The following LRCH2 variants were observed in gnomAD, a reference collection of about 807,000 sequenced individuals.
The protein encoded by LRCH2 is leucine rich repeats and calponin homology domain containing 2.
Under a neutral mutation model 68.9 loss-of-function variants are expected in LRCH2, and 38 were observed. The ratio of observed to expected loss-of-function variants is 0.55; its 90% CI spans 0.43 to 0.72. The LOEUF (loss-of-function observed/expected upper bound fraction) is 0.72. LRCH2 is among the 30% of genes least tolerant of loss of function. The pLI is 0.00. For missense variants in LRCH2, 528 were observed against 572.9 expected (o/e 0.92, Z 0.80); for synonymous variants, 191 against 208.1 (o/e 0.92, Z 0.71).
At chrX:115,196,142 A>G (rs890152789) in intron 1 of LRCH2, among the ~76,000 whole-genome samples, 5 of 111,393 alleles carry the variant, frequency 4.5e-5, no homozygotes, top group Non-Finnish European at 9.4e-5. Context: ...CAGGCTCCCA[A>G]TGCTCCAATC....
chrX:115,170,484 T>G (rs1263966936), intron 5 of LRCH2, 52 bp from the exon 6 acceptor site: 1 of 944,314 alleles, frequency 1.1e-6, no homozygotes, highest in African/African-American at 2.0e-5. Context: ...ATAAATGACA[T>G]CTATCATTTT....
intron 20 of LRCH2, among the ~76,000 whole-genome samples, chrX:115,117,834 A>G (rs1260265916): frequency 9.0e-6 from 1 of 110,807 alleles, no homozygotes; most frequent in Middle Eastern, 4.3e-3. Context: ...GGCAGTAGAT[A>G]TGTTCATTAT....
Position 115,190,586 on chromosome X carries a change from G to A in LRCH2, c.350-2216C>T, listed in dbSNP as rs782734644. ...AGTAACGGTTACAGCCGGAGTGACC[G>A]CTACGGAGAAGAAGGCTGCTACGAG... On this transcript the variant is annotated intron_variant, in intron 1 of 20. Transcript: ENST00000317135. 44 of 357,728 alleles carry A rather than the reference G, an allele frequency of 1.2e-4. No homozygotes were observed. The South Asian group carries it at 1.7e-3, about 14-fold the overall frequency. 29.5% of individuals were successfully genotyped at this position (357,728 alleles called of 1,213,427 possible). A position where few individuals can be genotyped will look rare whatever the true frequency, so the allele number is the denominator to read the frequency against.
At chrX:115,177,046 CTTTTTTTTTT>C (rs35686915) in intron 5 of LRCH2, among the ~76,000 whole-genome samples, 1 of 66,653 alleles carries the variant, frequency 1.5e-5, no homozygotes, top group Non-Finnish European at 2.6e-5. Flanking sequence ...CGCACCCAGC[CTTTTTTTTTT>C]TTTTTTTTTT....
chrX:115,121,313 A>G (rs782720509), intron 20 of LRCH2, among the ~76,000 whole-genome samples: 20 of 111,253 alleles, frequency 1.8e-4, no homozygotes, highest in African/African-American at 6.5e-4. Context: ...AAAGATTGAG[A>G]GTAGAAAAAA....
chrX:115,111,676 T>C lies in LRCH2; in HGVS notation c.*1540A>G, dbSNP rs2072044460. 1 of 111,731 alleles carries C rather than the reference T, an allele frequency of 9.0e-6. No homozygotes were observed. Among genetic ancestry groups the C allele is most frequent in the African/African-American group, 3.2e-5 (1 of 30,809 alleles). 9.2% of individuals were successfully genotyped at this position (111,731 alleles called of 1,213,427 possible). A position where few individuals can be genotyped will look rare whatever the true frequency, so the allele number is the denominator to read the frequency against. On this transcript the variant is annotated 3_prime_UTR_variant, in exon 21 of 21. Transcript: ENST00000317135. The stretch of plus-strand genomic sequence containing the variant: ...CTTTAATTCTTTAAAAGCTCCAATT[T>C]GACCCTTGGGGAATGTAATGAACAC...
chrX:115,211,761 A>G (rs56004841), intron 1 of LRCH2, among the ~76,000 whole-genome samples: 3 of 108,784 alleles, frequency 2.8e-5, no homozygotes, highest in Non-Finnish European at 5.8e-5. Context: ...ACATCCACAC[A>G]CCCCCCCAAG....
intron 16 of LRCH2, 132 bp from the exon 17 acceptor site, chrX:115,124,134 A>G: frequency 2.9e-6 from 1 of 339,462 alleles, no homozygotes; most frequent in South Asian, 8.5e-5. Flanking sequence ...TGAAGAGAAA[A>G]GTAACTTGCA....
chrX:115,212,518 A>G (rs782743348), intron 1 of LRCH2, among the ~76,000 whole-genome samples: 1 of 111,617 alleles, frequency 9.0e-6, no homozygotes, highest in African/African-American at 3.3e-5. Context: ...TTTGCTTTTT[A>G]AGACAGTATC....
intron 14 of LRCH2, among the ~76,000 whole-genome samples, chrX:115,130,694 A>T (rs1192641436): frequency 2.7e-5 from 3 of 111,578 alleles, no homozygotes; most frequent in African/African-American, 9.8e-5. Context: ...AAAACACTAC[A>T]TTAAATGTAT....
chrX:115,190,051 C>A (rs1556556764), intron 1 of LRCH2: 2 of 1,156,336 alleles, frequency 1.7e-6, no homozygotes, highest in Non-Finnish European at 2.3e-6. Flanking sequence ...CGGCCCACCC[C>A]ACAAGAGGGC....
chrX:115,118,207 C>T (rs1346774233), intron 20 of LRCH2, among the ~76,000 whole-genome samples: 2 of 108,994 alleles, frequency 1.8e-5, no homozygotes, highest in African/African-American at 6.7e-5. Context: ...TTTAACCCTT[C>T]AAAAAATTAA....
intron 3 of LRCH2, among the ~76,000 whole-genome samples, chrX:115,184,084 T>C (rs1556553594): frequency 8.9e-6 from 1 of 112,295 alleles, no homozygotes; most frequent in Non-Finnish European, 1.9e-5. Flanking sequence ...AAAGTTTTAT[T>C]TTAAAAATTC....
At chrX:115,179,215 A>G (rs1272267435) in intron 5 of LRCH2, among the ~76,000 whole-genome samples, 1 of 111,788 alleles carries the variant, frequency 8.9e-6, no homozygotes, top group Admixed American at 9.6e-5. Context: ...TCACAAGCAG[A>G]AAGTTATTAT....
intron 14 of LRCH2, chrX:115,139,057 A>G (rs1556533047): frequency 8.9e-6 from 1 of 112,211 alleles, no homozygotes; most frequent in Non-Finnish European, 1.9e-5. Context: ...AAGCAGCAGG[A>G]GTGGAAAATA....
At chrX:115,198,171 A>C (rs1388872464) in intron 1 of LRCH2, among the ~76,000 whole-genome samples, 1 of 109,400 alleles carries the variant, frequency 9.1e-6, no homozygotes, top group East Asian at 2.9e-4. Flanking sequence ...AAAATGACCA[A>C]ACTTACAAAT....
At chrX:115,195,552 C>A (rs2072881160) in intron 1 of LRCH2, among the ~76,000 whole-genome samples, 1 of 110,605 alleles carries the variant, frequency 9.0e-6, no homozygotes, top group African/African-American at 3.3e-5. Flanking sequence ...ATTTCCAGCA[C>A]ACCTCATCCA....
chrX:115,159,644 A>G (rs960759669), intron 11 of LRCH2, among the ~76,000 whole-genome samples: 164 of 108,102 alleles, frequency 1.5e-3, no homozygotes, highest in Non-Finnish European at 2.7e-3. Flanking sequence ...CCAGCTACTC[A>G]GGAGGCTGAG....
chrX:115,202,246 G>A (rs782004705), intron 1 of LRCH2, among the ~76,000 whole-genome samples: 136 of 111,888 alleles, frequency 1.2e-3, no homozygotes, highest in African/African-American at 4.2e-3. Context: ...ATTATCTTAA[G>A]TGAAACAAAC....
Sources: allele counts gnomAD v4.1 joint callset (sites outside exome capture counted in the v4.1 genomes callset), GRCh38; gene constraint gnomAD v4.1.1; transcripts MANE v1.5; gene names NCBI Gene and HGNC (gene_info 2026-07-23, HGNC 2026-07-21).